Variants in TMTC2 observed in about 807,000 individuals in gnomAD.
TMTC2 encodes the protein transmembrane O-mannosyltransferase targeting cadherins 2.
In TMTC2, 43 loss-of-function variants were observed where a neutral mutation model predicts 82.4. The observed-to-expected ratio is 0.52, with a 90% CI of 0.41 to 0.67. TMTC2 has a LOEUF of 0.67. Ranked by LOEUF, TMTC2 falls within the 30% of genes least tolerant of loss-of-function variation. The pLI, the probability that TMTC2 is intolerant of heterozygous loss-of-function variation, is 0.00. For synonymous variants in TMTC2, 408 were observed against 381.9 expected, an observed-to-expected ratio of 1.07 and a Z score of -0.80; for missense variants, 919 against 1,012.4, an observed-to-expected ratio of 0.91 and a Z score of 1.25.
intron 11 of TMTC2, among the ~76,000 whole-genome samples, chr12:83,087,202 A>G (rs1253456920): frequency 6.6e-6 from 1 of 152,234 alleles, no homozygotes; most frequent in Non-Finnish European, 1.5e-5. Context: ...ATCCATCAGA[A>G]GCAACTCCTC....
intron 1 of TMTC2, among the ~76,000 whole-genome samples, chr12:82,850,610 GAATGAGAAAAGT>G (rs758197625): frequency 1.5e-4 from 23 of 152,124 alleles, no homozygotes; most frequent in Non-Finnish European, 1.2e-4. Context: ...GATAGGAAGA[GAATGAGAAAAGT>G]AATGAGAAGA....
intron 8 of TMTC2, among the ~76,000 whole-genome samples, chr12:83,022,588 T>A (rs1880983612): frequency 6.6e-6 from 1 of 152,136 alleles, no homozygotes; most frequent in Non-Finnish European, 1.5e-5. Flanking sequence ...ATCACATCTC[T>A]GAAGCCTTCT....
chr12:83,129,057 A>G (rs186980240), intron 11 of TMTC2, among the ~76,000 whole-genome samples: 42 of 152,282 alleles, frequency 2.8e-4, no homozygotes, highest in African/African-American at 1.0e-3. Flanking sequence ...TTCACTCAAG[A>G]AGTTATTGTG....
At chr12:82,808,108 A>G (rs972789148) in intron 1 of TMTC2, among the ~76,000 whole-genome samples, 1 of 151,962 alleles carries the variant, frequency 6.6e-6, no homozygotes, top group Non-Finnish European at 1.5e-5. Context: ...TGTTTAAAAA[A>G]CAGTGGCTGC....
chr12:82,764,338 A>G (rs1292193453), intron 1 of TMTC2, among the ~76,000 whole-genome samples: 1 of 152,124 alleles, frequency 6.6e-6, no homozygotes, highest in Non-Finnish European at 1.5e-5. Flanking sequence ...GGGTCTCGCT[A>G]TGTTGGCCAG....
chr12:82,891,519 G>T (rs1383157617), intron 2 of TMTC2, among the ~76,000 whole-genome samples: 4 of 151,974 alleles, frequency 2.6e-5, no homozygotes, highest in Non-Finnish European at 4.4e-5. Context: ...TGTTGGTCAG[G>T]CTGGTCCAGA....
chr12:82,849,061 A>G (rs1231747899), intron 1 of TMTC2, among the ~76,000 whole-genome samples: 1 of 152,108 alleles, frequency 6.6e-6, no homozygotes, highest in African/African-American at 2.4e-5. Context: ...AAGGCTGTGA[A>G]TGCGAGCTGT....
intron 1 of TMTC2, among the ~76,000 whole-genome samples, chr12:82,782,339 T>C (rs1014590214): frequency 9.9e-5 from 15 of 152,108 alleles, no homozygotes; most frequent in African/African-American, 3.6e-4. Context: ...AACGAAAAAA[T>C]TCAGTGGACT....
intron 1 of TMTC2, among the ~76,000 whole-genome samples, chr12:82,856,605 G>A (rs1348473444): frequency 1.3e-5 from 2 of 152,134 alleles, no homozygotes; most frequent in East Asian, 3.9e-4. Context: ...TTTCTAGTAG[G>A]AGGCTAGTCC....
chr12:82,883,564 G>T (rs1002968655), intron 2 of TMTC2, among the ~76,000 whole-genome samples: 26 of 152,124 alleles, frequency 1.7e-4, no homozygotes, highest in Non-Finnish European at 3.7e-4. Flanking sequence ...TTTCCAAAAT[G>T]CTGGGCTCAC....
chr12:83,046,172 G>C (rs1408514333), intron 9 of TMTC2, among the ~76,000 whole-genome samples: 1 of 152,156 alleles, frequency 6.6e-6, no homozygotes, highest in Non-Finnish European at 1.5e-5. Flanking sequence ...TGAGGTTGCT[G>C]TAGACCCATA....
At chr12:82,830,871 A>C (rs1357865862) in intron 1 of TMTC2, among the ~76,000 whole-genome samples, 1 of 152,190 alleles carries the variant, frequency 6.6e-6, no homozygotes, top group African/African-American at 2.4e-5. Flanking sequence ...AATGTATACC[A>C]AACAATACCA....
intron 7 of TMTC2, among the ~76,000 whole-genome samples, chr12:82,967,327 A>G (rs1878256641): frequency 6.6e-6 from 1 of 152,134 alleles, no homozygotes; most frequent in Non-Finnish European, 1.5e-5. Context: ...AATAATAGTA[A>G]TAAAGTATAC....
At chr12:82,937,214 G>A (rs184995050) in intron 4 of TMTC2, among the ~76,000 whole-genome samples, 236 of 152,184 alleles carry the variant, frequency 1.6e-3, no homozygotes, top group African/African-American at 5.3e-3. Context: ...CTGAAAACTA[G>A]AAATTCGAAG....
At chr12:83,074,183 T>C (rs137965987) in intron 11 of TMTC2, among the ~76,000 whole-genome samples, 150 of 152,238 alleles carry the variant, frequency 9.9e-4, no homozygotes, top group African/African-American at 3.6e-3. Context: ...GATGTAGTAC[T>C]CCTCCCCCTT....
chr12:82,721,886 T>G (rs995562432), intron 1 of TMTC2, among the ~76,000 whole-genome samples: 11 of 152,214 alleles, frequency 7.2e-5, no homozygotes, highest in African/African-American at 2.7e-4. Flanking sequence ...GCAAGCAATA[T>G]TATCTTCAGT....
chr12:83,066,573 GT>G (rs916577292), intron 11 of TMTC2, among the ~76,000 whole-genome samples: 2 of 151,932 alleles, frequency 1.3e-5, no homozygotes, highest in Non-Finnish European at 2.9e-5. Context: ...TGTCAGTTGT[GT>G]TTGAGGAAAT....
intron 7 of TMTC2, among the ~76,000 whole-genome samples, chr12:82,982,490 A>G (rs921062819): frequency 2.9e-5 from 4 of 136,096 alleles, no homozygotes; most frequent in African/African-American, 1.1e-4. Context: ...ATTACCATTT[A>G]TATACACCCT....
intron 11 of TMTC2, among the ~76,000 whole-genome samples, chr12:83,120,012 C>T (rs73368073): frequency 0.022 from 3,392 of 152,036 alleles, 133 homozygotes; most frequent in African/African-American, 0.078. Flanking sequence ...ACCCTTTTAC[C>T]TATGTGAGTC....
Sources: allele counts gnomAD v4.1 joint callset (sites outside exome capture counted in the v4.1 genomes callset), GRCh38; gene constraint gnomAD v4.1.1; transcripts MANE v1.5; gene names NCBI Gene and HGNC (gene_info 2026-07-23, HGNC 2026-07-21).